Variants in UBL3 observed in about 807,000 individuals in gnomAD.
UBL3 encodes the protein ubiquitin-like protein 3.
A neutral mutation model predicts 18.4 loss-of-function variants in UBL3; 6 were observed. The ratio of observed to expected loss-of-function variants is 0.33; its 90% CI spans 0.18 to 0.64. UBL3 has a LOEUF of 0.64. Among genes scored for constraint, UBL3 ranks in the 30% least tolerant of loss-of-function variants. UBL3 has a pLI of 0.76. For missense variants in UBL3, 109 were observed against 142.9 expected (o/e 0.76, Z 1.21); for synonymous variants, 49 against 46.6 (o/e 1.05, Z -0.21).
chr13:29,840,688 C>G (rs1879075319), intron 1 of UBL3, among the ~76,000 whole-genome samples: 1 of 152,102 alleles, frequency 6.6e-6, no homozygotes, highest in Admixed American at 6.5e-5. Flanking sequence ...CCACCCATCC[C>G]AAAATTAACA....
At position 29,767,459 on chromosome 13, in the gene UBL3, A is replaced by T. The variant is rs1398673596; in HGVS notation, c.302-152T>A. On this transcript the variant is annotated intron_variant, in intron 4 of 4. Transcript: ENST00000380680. ...AGAAGCTGTAATAAATGTTCTTTTAATTTTAGCATGTTTCAAAAATGTCTG... is the reference window on the plus strand; with the variant it reads ...AGAAGCTGTAATAAATGTTCTTTTATTTTTAGCATGTTTCAAAAATGTCTG... 9 of 1,239,794 alleles carry T rather than the reference A, an allele frequency of 7.3e-6. No homozygotes were observed. In the African/African-American group the frequency reaches 1.4e-4, roughly 19 times the overall value. 76.8% of individuals were successfully genotyped at this position (1,239,794 alleles called of 1,614,324 possible). A position where few individuals can be genotyped will look rare whatever the true frequency, so the allele number is the denominator to read the frequency against.
At chr13:29,825,638 T>C (rs1218639260) in intron 1 of UBL3, among the ~76,000 whole-genome samples, 1 of 152,218 alleles carries the variant, frequency 6.6e-6, no homozygotes, top group Non-Finnish European at 1.5e-5. Context: ...TACAATCATG[T>C]CATCTGCAAA....
At chr13:29,808,451 G>T (rs17073905) in intron 1 of UBL3, among the ~76,000 whole-genome samples, 15,534 of 152,008 alleles carry the variant, frequency 0.1, 977 homozygotes, top group African/African-American at 0.17. Context: ...CCATTTCACT[G>T]TACAGCCTGG....
chr13:29,835,373 G>T (rs1878935107), intron 1 of UBL3, among the ~76,000 whole-genome samples: 1 of 150,806 alleles, frequency 6.6e-6, no homozygotes, highest in Admixed American at 6.6e-5. Flanking sequence ...TGCAGAGAGG[G>T]TATAGAAGTA....
intron 1 of UBL3, among the ~76,000 whole-genome samples, chr13:29,796,685 T>C (rs1253883653): frequency 6.6e-6 from 1 of 152,124 alleles, no homozygotes; most frequent in African/African-American, 2.4e-5. Context: ...AAAATAAAAA[T>C]CAAAACCACA....
intron 1 of UBL3, among the ~76,000 whole-genome samples, chr13:29,806,581 A>C (rs1354646193): frequency 1.3e-5 from 2 of 152,208 alleles, no homozygotes; most frequent in Non-Finnish European, 2.9e-5. Flanking sequence ...TGGTGGGTGC[A>C]GTGCTGAGGT....
intron 1 of UBL3, among the ~76,000 whole-genome samples, chr13:29,841,221 A>T (rs768842593): frequency 6.6e-6 from 1 of 151,850 alleles, no homozygotes; most frequent in Non-Finnish European, 1.5e-5. Context: ...TATTTACTTA[A>T]GACCAAAAAT....
chr13:29,814,915 G>A (rs1409734561), intron 1 of UBL3, among the ~76,000 whole-genome samples: 1 of 152,106 alleles, frequency 6.6e-6, no homozygotes, highest in Non-Finnish European at 1.5e-5. Flanking sequence ...GAAATGTTTT[G>A]TCTAATTATT....
At chr13:29,838,193 T>TA (rs908861279) in intron 1 of UBL3, among the ~76,000 whole-genome samples, 2 of 152,032 alleles carry the variant, frequency 1.3e-5, no homozygotes, top group African/African-American at 4.8e-5. Context: ...CAGGTGATGA[T>TA]AAAATAACAT....
In UBL3 at chr13:29,764,564, A is replaced by G. The variant is rs1380985317; in HGVS notation, c.*2691T>C. 3.9e-5 allele frequency: 6 copies of G among 152,252 alleles called. No individual in the cohort carries two copies. Among genetic ancestry groups the G allele is most frequent in the African/African-American group, 1.4e-4 (6 of 41,464 alleles). 9.4% of individuals were successfully genotyped at this position (152,252 alleles called of 1,614,324 possible). A position where few individuals can be genotyped will look rare whatever the true frequency, so the allele number is the denominator to read the frequency against. ...CATTTAACGTGAATGGTAATGTTAG[A>G]TACTGTATTTTTCCATGGTAAAATA... On this transcript the variant is annotated 3_prime_UTR_variant, in exon 5 of 5. Coordinates refer to ENST00000380680, the MANE Select transcript of UBL3 (RefSeq NM_007106.4).
intron 1 of UBL3, among the ~76,000 whole-genome samples, chr13:29,845,459 A>G (rs1053811935): frequency 2.6e-5 from 4 of 152,092 alleles, no homozygotes; most frequent in Admixed American, 6.5e-5. Context: ...CTAAAGAGGA[A>G]AAAGTCCCTG....
intron 1 of UBL3, among the ~76,000 whole-genome samples, chr13:29,834,200 A>AG (rs35747802): frequency 0.092 from 13,720 of 149,610 alleles, 804 homozygotes; most frequent in African/African-American, 0.15. Context: ...AAAAAAAAAA[A>AG]GGAGTAAGAA....
At chr13:29,833,961 G>A (rs911383072) in intron 1 of UBL3, among the ~76,000 whole-genome samples, 3 of 152,110 alleles carry the variant, frequency 2.0e-5, no homozygotes, top group Non-Finnish European at 1.5e-5. Context: ...GCCGCAGCGG[G>A]CAGATCACGA....
At chr13:29,791,642 C>G (rs1877481586) in intron 1 of UBL3, among the ~76,000 whole-genome samples, 2 of 151,956 alleles carry the variant, frequency 1.3e-5, no homozygotes, top group Non-Finnish European at 2.9e-5. Context: ...ACCACTCAAA[C>G]CTACACTACT....
At chr13:29,771,729 C>T (rs908537309) in intron 3 of UBL3, among the ~76,000 whole-genome samples, 1 of 152,038 alleles carries the variant, frequency 6.6e-6, no homozygotes, top group African/African-American at 2.4e-5. Context: ...CAGGTAGAAA[C>T]ATCTGAAAAC....
At chr13:29,833,958 C>T (rs550550740) in intron 1 of UBL3, among the ~76,000 whole-genome samples, 5 of 152,172 alleles carry the variant, frequency 3.3e-5, no homozygotes, top group South Asian at 2.1e-4. Flanking sequence ...GAGGCCGCAG[C>T]GGGCAGATCA....
chr13:29,835,565 G>A (rs1051626208), intron 1 of UBL3, among the ~76,000 whole-genome samples: 3 of 151,454 alleles, frequency 2.0e-5, no homozygotes, highest in African/African-American at 7.3e-5. Context: ...GACCATCCTG[G>A]CCAACATGGT....
intron 1 of UBL3, among the ~76,000 whole-genome samples, chr13:29,814,443 A>G (rs564083401): frequency 6.6e-6 from 1 of 150,846 alleles, no homozygotes; most frequent in South Asian, 2.1e-4. Flanking sequence ...ATATAGAGAT[A>G]TATAACAACT....
intron 1 of UBL3, among the ~76,000 whole-genome samples, chr13:29,785,811 T>C (rs954269802): frequency 7.2e-5 from 11 of 152,272 alleles, no homozygotes; most frequent in African/African-American, 2.6e-4. Context: ...ACCTTGAAGC[T>C]ATGAGAGACA....
Sources: gnomAD v4.1 joint callset for allele counts (sites outside exome capture counted in the v4.1 genomes callset) on GRCh38, gnomAD v4.1.1 for gene constraint, MANE v1.5 for transcripts, NCBI Gene and HGNC (gene_info 2026-07-23, HGNC 2026-07-21) for gene names.